The following KHDRBS2 variants were observed in gnomAD, a reference collection of about 807,000 sequenced individuals.
The protein encoded by KHDRBS2 is KH RNA binding domain containing, signal transduction associated 2.
A neutral mutation model predicts 44.3 loss-of-function variants in KHDRBS2; 26 were observed. The observed-to-expected ratio is 0.59, with a 90% CI of 0.43 to 0.81. The LOEUF (loss-of-function observed/expected upper bound fraction) is 0.81, where lower values mean the gene tolerates loss of function less well. Ranked by LOEUF, KHDRBS2 falls within the 40% of genes least tolerant of loss-of-function variation. The pLI, the probability that KHDRBS2 is intolerant of heterozygous loss-of-function variation, is 0.00. For synonymous variants in KHDRBS2, 194 were observed against 151.1 expected (o/e 1.28, Z -2.08); for missense variants, 476 against 433.1 (o/e 1.10, Z -0.88).
chr6:62,072,288 C>A (rs1235712024), intron 2 of KHDRBS2, among the ~76,000 whole-genome samples: 1 of 152,148 alleles, frequency 6.6e-6, no homozygotes, highest in African/African-American at 2.4e-5. Context: ...CATCTGCAAA[C>A]AGGGACAATT....
chr6:61,777,469 G>A (rs1782257013), intron 6 of KHDRBS2, among the ~76,000 whole-genome samples: 1 of 152,018 alleles, frequency 6.6e-6, no homozygotes, highest in South Asian at 2.1e-4. Context: ...AAAGAGTAAT[G>A]AACTTATTTT....
the KHDRBS2 span, among the ~76,000 whole-genome samples, chr6:61,655,027 C>A: frequency 1.3e-5 from 2 of 151,710 alleles, no homozygotes; most frequent in African/African-American, 2.4e-5. Context: ...GGAAATGAAA[C>A]CTCAGGGGTC....
chr6:62,200,227 T>C (rs1161442502), intron 1 of KHDRBS2, among the ~76,000 whole-genome samples: 6 of 151,986 alleles, frequency 3.9e-5, no homozygotes, highest in Admixed American at 2.6e-4. Context: ...AAGCCAAAAT[T>C]GACAAATGGG....
intron 3 of KHDRBS2, among the ~76,000 whole-genome samples, chr6:62,042,824 A>T (rs1273894561): frequency 6.6e-6 from 1 of 152,160 alleles, no homozygotes; most frequent in Admixed American, 6.6e-5. Context: ...TGCATCAAAG[A>T]CAGAAAAGCT....
chr6:62,189,056 C>T (rs1824048682), intron 1 of KHDRBS2, among the ~76,000 whole-genome samples: 2 of 151,650 alleles, frequency 1.3e-5, no homozygotes, highest in Admixed American at 6.6e-5. Context: ...TGGAGGTTGC[C>T]GTGAGCCAAG....
chr6:62,273,168 C>G (rs1409929214), intron 1 of KHDRBS2, among the ~76,000 whole-genome samples: 1 of 152,088 alleles, frequency 6.6e-6, no homozygotes, highest in East Asian at 1.9e-4. Flanking sequence ...TAAATTAAAT[C>G]ACACAAAATT....
intron 6 of KHDRBS2, among the ~76,000 whole-genome samples, chr6:61,821,459 T>C (rs565762308): frequency 2.6e-4 from 39 of 152,110 alleles, no homozygotes; most frequent in Non-Finnish European, 4.6e-4. Flanking sequence ...CTCAGCTGGA[T>C]CTATGTGGAA....
chr6:62,019,530 C>T (rs1049746757), intron 3 of KHDRBS2, among the ~76,000 whole-genome samples: 37 of 151,966 alleles, frequency 2.4e-4, no homozygotes, highest in African/African-American at 8.2e-4. Context: ...GGTATTATAT[C>T]TTCCTTAATT....
At chr6:61,590,366 C>T in the KHDRBS2 span, among the ~76,000 whole-genome samples, 1,329 of 152,258 alleles carry the variant, frequency 8.7e-3, 19 homozygotes, top group Admixed American at 0.033. Flanking sequence ...AACAGCTCTG[C>T]GGTCTCCCAA....
intron 8 of KHDRBS2, among the ~76,000 whole-genome samples, chr6:61,687,198 C>T (rs1428767641): frequency 6.6e-6 from 1 of 151,658 alleles, no homozygotes; most frequent in Non-Finnish European, 1.5e-5. Flanking sequence ...GCATTATGTT[C>T]CAAGAAAAAG....
intron 2 of KHDRBS2, among the ~76,000 whole-genome samples, chr6:62,051,085 G>A (rs1032523463): frequency 1.3e-5 from 2 of 152,070 alleles, no homozygotes; most frequent in African/African-American, 4.8e-5. Flanking sequence ...CTTCATAAGA[G>A]TGGTTGTCTG....
intron 6 of KHDRBS2, among the ~76,000 whole-genome samples, chr6:61,791,214 CT>C (rs957469757): frequency 3.3e-5 from 5 of 151,042 alleles, no homozygotes; most frequent in African/African-American, 1.2e-4. Context: ...TTTTTTTCCC[CT>C]GCCTCACTCC....
chr6:62,198,764 C>G (rs896278420), intron 1 of KHDRBS2, among the ~76,000 whole-genome samples: 7 of 152,102 alleles, frequency 4.6e-5, no homozygotes, highest in Non-Finnish European at 8.8e-5. Context: ...GATACCAAAG[C>G]CTGGCAGAGA....
At chr6:61,907,230 T>G (rs1347126261) in intron 4 of KHDRBS2, among the ~76,000 whole-genome samples, 4 of 151,998 alleles carry the variant, frequency 2.6e-5, no homozygotes, top group Non-Finnish European at 5.9e-5. Flanking sequence ...TTCAGATCTT[T>G]TGACCATTTT....
At chr6:61,773,798 A>T (rs145789440) in intron 6 of KHDRBS2, among the ~76,000 whole-genome samples, 94,283 of 147,914 alleles carry the variant, frequency 0.64, 30,808 homozygotes, top group African/African-American at 0.78. Context: ...AAGTCTTTAA[A>T]CCATCTTGAA....
chr6:61,942,987 T>A (rs7740085), intron 4 of KHDRBS2, among the ~76,000 whole-genome samples: 49,257 of 115,062 alleles, frequency 0.43, 8,646 homozygotes, highest in Middle Eastern at 0.58. Flanking sequence ...GAGGGGGAGG[T>A]AGGGAAGAAA....
chr6:61,556,143 G>T, the KHDRBS2 span, among the ~76,000 whole-genome samples: 460 of 152,272 alleles, frequency 3.0e-3, 4 homozygotes, highest in African/African-American at 0.011. Flanking sequence ...AGCTACTGGG[G>T]TCCATGCGCA....
chr6:61,717,949 C>A (rs1324938650), intron 7 of KHDRBS2, among the ~76,000 whole-genome samples: 1 of 151,882 alleles, frequency 6.6e-6, no homozygotes, highest in Non-Finnish European at 1.5e-5. Flanking sequence ...ATGTCTAACA[C>A]CGTGGAGTTG....
Position 61,993,673 on chromosome 6 carries a change from ATT to A in KHDRBS2, c.337-15463_337-15462del, listed in dbSNP as rs200474893. On this transcript the variant is annotated intron_variant, in intron 3 of 8. Coordinates refer to ENST00000281156, the MANE Select transcript of KHDRBS2 (RefSeq NM_152688.4). Reference sequence around the variant, plus strand: ...ATCATATATATATATATATATATATATTTTTTTTTTTTGATGTGAGCTTATAT... The same window carrying A: ...ATCATATATATATATATATATATATATTTTTTTTTTGATGTGAGCTTATAT... Among the ~76,000 whole-genome samples, 249 of 115,542 alleles carry A rather than the reference ATT, an allele frequency of 2.2e-3. 6 individuals are homozygous for A. Among genetic ancestry groups the A allele is most frequent in the African/African-American group, 3.5e-3 (109 of 30,910 alleles). The allele number at this position is 115,542 out of a possible 152,430, so 75.8% of individuals were successfully genotyped here. A position where few individuals can be genotyped will look rare whatever the true frequency, so the allele number is the denominator to read the frequency against.
Sources: allele counts gnomAD v4.1 joint callset (sites outside exome capture counted in the v4.1 genomes callset), GRCh38; gene constraint gnomAD v4.1.1; transcripts MANE v1.5; gene names NCBI Gene and HGNC (gene_info 2026-07-23, HGNC 2026-07-21).